UMOD: variants seen among roughly 807,000 people sequenced by gnomAD.
UMOD encodes the protein Tamm-Horsfall urinary glycoprotein.
UMOD carries 64 observed loss-of-function variants against 66.0 expected under a neutral mutation model. The observed-to-expected ratio is 0.97, with a 90% CI of 0.79 to 1.19. The LOEUF is 1.19. UMOD is among the 50% of genes most tolerant of loss of function. The probability of loss-of-function intolerance (pLI) is 0.00; values close to 1 mark genes in which losing one functional copy is unlikely to be tolerated. For missense variants in UMOD, 764 were observed against 850.9 expected, an observed-to-expected ratio of 0.90 and a Z score of 1.27; for synonymous variants, 398 against 352.7, an observed-to-expected ratio of 1.13 and a Z score of -1.44.
In UMOD at chr16:20,348,522, G is replaced by A. The variant is rs1038217947; in HGVS notation, c.779C>T (p.Ala260Val). 1 of 1,606,104 alleles carries A rather than the reference G, an allele frequency of 6.2e-7. No individual in the cohort carries two copies. The highest frequency in any genetic ancestry group is 8.5e-7 in the Non-Finnish European group (1 of 1,178,772). ...GGCACAGGCCTTCACCTGGACGGAC[G>A]CATCCCACAGGCAGCAGTGGCCGCT... ...HWSGHCCLWDASVQVKACAGG... is the reference protein window; with the variant it reads ...HWSGHCCLWDVSVQVKACAGG... Residue 260 changes from alanine (A) to valine (V), a missense_variant, in exon 3 of 11, where the codon GCG becomes GTG. Ala to Val is a moderately conservative substitution (Grantham distance 64, BLOSUM62 0). Transcript: ENST00000396138.
At chr16:20,343,309 C>T (rs1055311733) in intron 6 of UMOD, among the ~76,000 whole-genome samples, 2 of 152,108 alleles carry the variant, frequency 1.3e-5, no homozygotes, top group African/African-American at 4.8e-5. Flanking sequence ...GAATAGTTTA[C>T]CCCTGTAGGC....
intron 5 of UMOD, among the ~76,000 whole-genome samples, chr16:20,345,138 C>T (rs911570990): frequency 6.6e-6 from 1 of 152,088 alleles, no homozygotes; most frequent in African/African-American, 2.4e-5. Flanking sequence ...CTCAGCCTCC[C>T]GAGTAGCTGG....
intron 5 of UMOD, 67 bp downstream of exon 5, chr16:20,346,059 G>C: frequency 1.4e-6 from 2 of 1,453,192 alleles, no homozygotes; most frequent in Non-Finnish European, 1.9e-6. Flanking sequence ...CTATAACTAG[G>C]AAGTGATAGA....
At chr16:20,338,521 G>T (rs1163858736) in intron 7 of UMOD, among the ~76,000 whole-genome samples, 2 of 152,080 alleles carry the variant, frequency 1.3e-5, no homozygotes, top group Admixed American at 6.6e-5. Context: ...TTTAGATGGG[G>T]TCTTGCTCTG....
chr16:20,349,782 G>C, intron 2 of UMOD: 2 of 1,494,240 alleles, frequency 1.3e-6, no homozygotes, highest in South Asian at 2.5e-5. Flanking sequence ...TCCCTGGCTG[G>C]TGAAATCTTC....
At chr16:20,345,878 T>C (rs907035891) in intron 5 of UMOD, among the ~76,000 whole-genome samples, 5 of 152,232 alleles carry the variant, frequency 3.3e-5, no homozygotes, top group Non-Finnish European at 7.3e-5. Context: ...CTTTCTTTAT[T>C]TGAAGCTGAT....
Position 20,348,834 on chromosome 16 carries a change from C to T in UMOD, c.467G>A (p.Gly156Glu). ...WHCECSPGSC[G>E]PGLDCVPEGD... ...CTCGGGCACGCAGTCCAACCCCGGCCCGCAGGAGCCCGGGGAGCACTCACA... is the reference window on the plus strand; with the variant it reads ...CTCGGGCACGCAGTCCAACCCCGGCTCGCAGGAGCCCGGGGAGCACTCACA... Residue 156 changes from glycine (G) to glutamate (E), a missense_variant, in exon 3 of 11, where the codon GGG (glycine) becomes GAG (glutamate). Physicochemically the swap from Gly to Glu is moderately conservative, Grantham distance 98 (BLOSUM62 -2). Coordinates refer to ENST00000396138, the MANE Select transcript of UMOD (RefSeq NM_003361.4). 1.9e-6 allele frequency: 3 copies of T among 1,547,098 alleles called. No homozygotes were observed. Among genetic ancestry groups the T allele is most frequent in the Non-Finnish European group, 2.6e-6 (3 of 1,146,944 alleles).
At chr16:20,349,891 T>TAAAA in intron 2 of UMOD, 1 of 1,262,350 alleles carries the variant, frequency 7.9e-7, no homozygotes, top group Non-Finnish European at 1.1e-6. Context: ...AAATAACCAT[T>TAAAA]AAAAAAAAAA....
Position 20,349,186 on chromosome 16 carries a change from C to T in UMOD, c.115G>A (p.Ala39Thr), listed in dbSNP as rs1245943973. The T allele has an allele frequency of 3.7e-6, 6 of 1,613,708 alleles. No homozygotes were observed. Among genetic ancestry groups the T allele is most frequent in the Admixed American group, 1.7e-5 (1 of 60,010 alleles). The part of the protein sequence containing the change: ...ARWCSECHSN[A>T]TCTEDEAVTT... ...ACGGCCTCATCCTCCGTGCAGGTGG[C>T]ATTGCTGTGACATTCAGAGCACCAT... The change falls in exon 3 of 11, where the codon GCC (alanine) becomes ACC (threonine). Residue 39 changes from alanine (A) to threonine (T), a missense_variant. Coordinates refer to ENST00000396138, the MANE Select transcript of UMOD (RefSeq NM_003361.4).
chr16:20,351,306 A>G (rs1185482810), intron 1 of UMOD: 2 of 182,012 alleles, frequency 1.1e-5, no homozygotes, highest in Non-Finnish European at 2.4e-5. Flanking sequence ...TGCAACTCAC[A>G]TATCGTAAAG....
rs1453797881 is a variant in UMOD, at chr16:20,348,102, G to A, written c.973+121C>T. The A allele has an allele frequency of 2.0e-5, 18 of 896,282 alleles. No individual in the cohort carries two copies. In the Admixed American group the frequency reaches 2.2e-4, roughly 11 times the overall value. The allele number at this position is 896,282 out of a possible 1,614,324, so 55.5% of individuals were successfully genotyped here. A position where few individuals can be genotyped will look rare whatever the true frequency, so the allele number is the denominator to read the frequency against. On this transcript the variant is annotated intron_variant, in intron 4 of 10. Coordinates refer to ENST00000396138, the MANE Select transcript of UMOD (RefSeq NM_003361.4). ...TTAGTGGATCTTCTGTTTTCACTCA[G>A]GTTGGATATATATCCCCTGCGTCAT... is the stretch of plus-strand genomic sequence containing the variant.
chr16:20,343,960 C>T lies in UMOD; in HGVS notation c.1331+64G>A, dbSNP rs1965381872. ...CTGTGGGTGGCAGTTGACAGGGAAGCTCATGGTTAAGGGGTTTGGGGTTAG... is the reference window on the plus strand; with the variant it reads ...CTGTGGGTGGCAGTTGACAGGGAAGTTCATGGTTAAGGGGTTTGGGGTTAG... On this transcript the variant is annotated intron_variant, in intron 6 of 10. Coordinates refer to ENST00000396138, the MANE Select transcript of UMOD (RefSeq NM_003361.4). 2.5e-6 allele frequency: 4 copies of T among 1,598,880 alleles called. No individual in the cohort carries two copies. In the Admixed American group the frequency reaches 6.7e-5, roughly 27 times the overall value.
rs576181973 is a variant in UMOD, at chr16:20,346,472, C to A, written c.974-138G>T. 5.4e-4 allele frequency: 449 copies of A among 830,384 alleles called. 2 individuals carry two copies. The highest frequency in any genetic ancestry group is 3.0e-3 in the South Asian group (209 of 69,678). 51.4% of individuals were successfully genotyped at this position (830,384 alleles called of 1,614,324 possible). A position where few individuals can be genotyped will look rare whatever the true frequency, so the allele number is the denominator to read the frequency against. The stretch of plus-strand genomic sequence containing the variant: ...ATAGCCTTGAGCTGATCTGTCCCCT[C>A]CCAATGTGATGGGGACTCAAGATTG... On this transcript the variant is annotated intron_variant, in intron 4 of 10. Coordinates refer to ENST00000396138, the MANE Select transcript of UMOD (RefSeq NM_003361.4).
At chr16:20,343,863 T>G (rs994048461) in intron 6 of UMOD, among the ~76,000 whole-genome samples, 161 bp downstream of exon 6, 1 of 152,194 alleles carries the variant, frequency 6.6e-6, no homozygotes, top group African/African-American at 2.4e-5. Flanking sequence ...AAGTCTAGAT[T>G]TGAACCTGGG....
At chr16:20,343,896 A>G (rs925191019) in intron 6 of UMOD, 128 bp downstream of exon 6, 10 of 1,165,642 alleles carry the variant, frequency 8.6e-6, no homozygotes, top group Non-Finnish European at 1.1e-5. Context: ...TGGCTCTTCC[A>G]TTGGGCAACC....
chr16:20,336,882 C>A (rs1231377949), intron 8 of UMOD, among the ~76,000 whole-genome samples, 155 bp from the exon 9 acceptor site: 1 of 152,212 alleles, frequency 6.6e-6, no homozygotes. Context: ...CAGGTCCCAG[C>A]TCTGCCATTT....
intron 10 of UMOD, 86 bp from the exon 11 acceptor site, chr16:20,333,461 A>G (rs956257237): frequency 2.3e-6 from 3 of 1,295,230 alleles, no homozygotes; most frequent in African/African-American, 2.9e-5. Flanking sequence ...TAGGCTGACC[A>G]ATCAGAAGAG....
upstream of UMOD, among the ~76,000 whole-genome samples, chr16:20,353,035 T>G (rs567788810): frequency 6.6e-6 from 1 of 152,278 alleles, no homozygotes; most frequent in Admixed American, 6.5e-5. Flanking sequence ...CTGGGCTTCT[T>G]CTTGGTCACT....
chr16:20,337,958 T>C (rs900379376), intron 7 of UMOD, among the ~76,000 whole-genome samples: 1 of 151,938 alleles, frequency 6.6e-6, no homozygotes, highest in Non-Finnish European at 1.5e-5. Context: ...AAACCCGAAA[T>C]AGAGCATGCA....
Sources: allele counts gnomAD v4.1 joint callset (sites outside exome capture counted in the v4.1 genomes callset), GRCh38; gene constraint gnomAD v4.1.1; transcripts MANE v1.5; gene names NCBI Gene and HGNC (gene_info 2026-07-23, HGNC 2026-07-21).